The following NKAIN3 variants were observed in gnomAD, a reference collection of about 807,000 sequenced individuals.
The protein encoded by NKAIN3 is sodium/potassium transporting ATPase interacting 3, also known as sodium/potassium-transporting ATPase subunit beta-1-interacting protein 3.
In NKAIN3, 25 loss-of-function variants were observed where a neutral mutation model predicts 30.2. That is an observed-to-expected ratio of 0.83 (90% confidence interval 0.60 to 1.16). The LOEUF is 1.16. Among genes scored for constraint, NKAIN3 ranks in the 50% most tolerant of loss-of-function variants. The pLI is 0.00. For synonymous variants in NKAIN3, 91 were observed against 89.6 expected, an observed-to-expected ratio of 1.02 and a Z score of -0.09; for missense variants, 225 against 254.1, an observed-to-expected ratio of 0.89 and a Z score of 0.78.
At chr8:62,385,135 C>T (rs1437427898) in intron 1 of NKAIN3, among the ~76,000 whole-genome samples, 1 of 152,104 alleles carries the variant, frequency 6.6e-6, no homozygotes, top group Admixed American at 6.6e-5. Context: ...CCCCCAGTTT[C>T]CCAGAGGAAT....
At chr8:62,375,033 C>G (rs1384724928) in intron 1 of NKAIN3, among the ~76,000 whole-genome samples, 1 of 152,154 alleles carries the variant, frequency 6.6e-6, no homozygotes, top group Non-Finnish European at 1.5e-5. Context: ...TTCCCCTACA[C>G]CAAATTAAAT....
intron 1 of NKAIN3, among the ~76,000 whole-genome samples, chr8:62,295,553 A>C (rs538908806): frequency 2.0e-5 from 3 of 152,264 alleles, no homozygotes; most frequent in East Asian, 3.9e-4. Flanking sequence ...AATAAATATT[A>C]ATGTATTTTT....
Position 62,372,637 on chromosome 8 carries a change from A to T in NKAIN3, c.54+123510A>T, listed in dbSNP as rs368524474. Among the ~76,000 whole-genome samples the T allele has an allele frequency of 3.7e-4, 57 of 152,130 alleles. 1 individual carries two copies. The East Asian group carries it at 9.1e-3, about 24-fold the overall frequency. ...TTGATAGCTATAATTTAAAATTTAT[A>T]TACTTGTCTATATGCCAGATTCATT... On this transcript the variant is annotated intron_variant, in intron 1 of 6. Coordinates refer to ENST00000623646, the MANE Select transcript of NKAIN3 (RefSeq NM_001304533.3).
chr8:62,489,073 A>G (rs1806989607), intron 1 of NKAIN3, among the ~76,000 whole-genome samples: 1 of 152,280 alleles, frequency 6.6e-6, no homozygotes, highest in East Asian at 1.9e-4. Flanking sequence ...TAGTCTAAGT[A>G]TATATAGATC....
At chr8:62,587,213 C>A (rs1396831615) in intron 2 of NKAIN3, among the ~76,000 whole-genome samples, 1 of 151,802 alleles carries the variant, frequency 6.6e-6, no homozygotes, top group Non-Finnish European at 1.5e-5. Flanking sequence ...GTCTCAAGTG[C>A]ACATTAAGGT....
At chr8:62,440,119 A>G (rs1805280726) in intron 1 of NKAIN3, among the ~76,000 whole-genome samples, 1 of 152,164 alleles carries the variant, frequency 6.6e-6, no homozygotes, top group Non-Finnish European at 1.5e-5. Context: ...AAGGTTGGGT[A>G]GTTTTGAATT....
chr8:62,525,111 C>T (rs1234929841), intron 1 of NKAIN3, among the ~76,000 whole-genome samples: 1 of 152,030 alleles, frequency 6.6e-6, no homozygotes, highest in Admixed American at 6.6e-5. Context: ...ATTCCTGCTG[C>T]GAGCCATCAA....
intron 1 of NKAIN3, among the ~76,000 whole-genome samples, chr8:62,363,179 C>T (rs1816620025): frequency 6.6e-6 from 1 of 152,200 alleles, no homozygotes; most frequent in African/African-American, 2.4e-5. Context: ...TGTTCTGCTG[C>T]AGTCAATAGA....
At chr8:62,350,681 T>C (rs1284557556) in intron 1 of NKAIN3, among the ~76,000 whole-genome samples, 1 of 152,024 alleles carries the variant, frequency 6.6e-6, no homozygotes, top group Non-Finnish European at 1.5e-5. Context: ...AGTAATGAGC[T>C]TTTTAATTTT....
intron 3 of NKAIN3, among the ~76,000 whole-genome samples, chr8:62,629,064 G>A (rs1264021761): frequency 6.6e-6 from 1 of 152,048 alleles, no homozygotes; most frequent in African/African-American, 2.4e-5. Context: ...ACATTTTTGT[G>A]TGCTACCTAA....
intron 6 of NKAIN3, among the ~76,000 whole-genome samples, chr8:62,958,380 TACC>T (rs1823480979): frequency 6.6e-6 from 1 of 151,996 alleles, no homozygotes; most frequent in Admixed American, 6.6e-5. Flanking sequence ...TTCAATATCT[TACC>T]ACAACTGCTA....
intron 1 of NKAIN3, among the ~76,000 whole-genome samples, chr8:62,513,857 C>CAAAA (rs10608416): frequency 1.9e-5 from 1 of 52,616 alleles, no homozygotes; most frequent in Non-Finnish European, 3.2e-5. Flanking sequence ...AAACCTGTCT[C>CAAAA]AAAAAAAAAA....
chr8:62,648,694 C>T lies in NKAIN3; in HGVS notation c.273+58900C>T, dbSNP rs141012765. ...TGTACAGTTTGTCTTCCAGCCTCTTCCCTTTTCTTGCCTCTCATTGATCAA... is the reference window on the plus strand; with the variant it reads ...TGTACAGTTTGTCTTCCAGCCTCTTTCCTTTTCTTGCCTCTCATTGATCAA... On this transcript the variant is annotated intron_variant, in intron 3 of 6. Coordinates refer to ENST00000623646, the MANE Select transcript of NKAIN3 (RefSeq NM_001304533.3). Among the ~76,000 whole-genome samples, 484 of 152,298 alleles carry T rather than the reference C, an allele frequency of 3.2e-3. 4 individuals carry two copies. The highest frequency in any genetic ancestry group is 0.01 in the Middle Eastern group (3 of 294).
chr8:62,460,830 T>C (rs527742371), intron 1 of NKAIN3, among the ~76,000 whole-genome samples: 29 of 152,276 alleles, frequency 1.9e-4, no homozygotes, highest in African/African-American at 6.5e-4. Flanking sequence ...GTTAAAACAA[T>C]TGGAGGGAAG....
chr8:62,574,369 T>C (rs113288638), intron 1 of NKAIN3, among the ~76,000 whole-genome samples: 13,591 of 152,216 alleles, frequency 0.089, 628 homozygotes, highest in Middle Eastern at 0.16. Context: ...GATATCACTT[T>C]GATATACTGA....
chr8:62,801,218 C>T (rs1466486067), intron 4 of NKAIN3, among the ~76,000 whole-genome samples: 1 of 152,222 alleles, frequency 6.6e-6, no homozygotes, highest in African/African-American at 2.4e-5. Context: ...ACAGCAGTAA[C>T]CTCTGCAGAC....
chr8:62,817,627 G>T (rs913248483), intron 4 of NKAIN3, among the ~76,000 whole-genome samples: 1 of 152,078 alleles, frequency 6.6e-6, no homozygotes, highest in African/African-American at 2.4e-5. Flanking sequence ...GGGGATGAAT[G>T]CTTGTTCTAT....
At chr8:62,573,010 C>T (rs16929187) in intron 1 of NKAIN3, among the ~76,000 whole-genome samples, 12,954 of 152,114 alleles carry the variant, frequency 0.085, 585 homozygotes, top group East Asian at 0.16. Context: ...GTAGTTAATG[C>T]GGGGCATGGC....
intron 1 of NKAIN3, among the ~76,000 whole-genome samples, chr8:62,320,911 A>G (rs1233716963): frequency 6.6e-6 from 1 of 152,174 alleles, no homozygotes; most frequent in African/African-American, 2.4e-5. Flanking sequence ...TCTCCTGGAT[A>G]ATATCCTGCA....
Sources: gnomAD v4.1 joint callset for allele counts (sites outside exome capture counted in the v4.1 genomes callset) on GRCh38, gnomAD v4.1.1 for gene constraint, MANE v1.5 for transcripts, NCBI Gene and HGNC (gene_info 2026-07-23, HGNC 2026-07-21) for gene names.